The following B3GALT5 variants were observed in gnomAD, a reference collection of about 807,000 sequenced individuals.
B3GALT5 encodes beta-1,3-galactosyltransferase 5.
For missense variants in B3GALT5, 328 were observed against 396.6 expected, an observed-to-expected ratio of 0.83 and a Z score of 1.47; for synonymous variants, 156 against 158.6, an observed-to-expected ratio of 0.98 and a Z score of 0.12.
intron 1 of B3GALT5, among the ~76,000 whole-genome samples, chr21:39,614,500 C>T (rs1434001480): frequency 6.6e-6 from 1 of 152,172 alleles, no homozygotes; most frequent in Non-Finnish European, 1.5e-5. Flanking sequence ...AAAGGTTCTT[C>T]CAGACAAGGG....
Position 39,661,812 on chromosome 21 carries a change from G to A in B3GALT5, c.*320G>A, listed in dbSNP as rs1348673648. ...AGGCAAGGACACAGCAGCTGCGAGA[G>A]GTACAGAAACTTGTCCCAAGGCTCA... On this transcript the variant is annotated 3_prime_UTR_variant, in exon 4 of 4. Transcript: ENST00000684187. This position sits in a 1 kb window ranked among gnomAD's most constrained non-coding sequence, Gnocchi z 4.7. 1 of 222,292 alleles carries A rather than the reference G, an allele frequency of 4.5e-6. No individual in the cohort carries two copies. The highest frequency in any genetic ancestry group is 1.1e-4 in the East Asian group (1 of 8,796). 13.8% of individuals were successfully genotyped at this position (222,292 alleles called of 1,614,324 possible).
chr21:39,630,119 T>C (rs1357149247), intron 1 of B3GALT5, among the ~76,000 whole-genome samples: 2 of 152,200 alleles, frequency 1.3e-5, no homozygotes, highest in Non-Finnish European at 2.9e-5. Context: ...CAAAGCCAGA[T>C]ACCTGTGAAA....
At chr21:39,622,011 A>T (rs1365266451) in intron 1 of B3GALT5, among the ~76,000 whole-genome samples, 1 of 151,846 alleles carries the variant, frequency 6.6e-6, no homozygotes, top group African/African-American at 2.4e-5. Context: ...CTACATATTT[A>T]TTCTTTTGAC....
At chr21:39,617,621 T>C (rs1402988440) in intron 1 of B3GALT5, among the ~76,000 whole-genome samples, 1 of 152,182 alleles carries the variant, frequency 6.6e-6, no homozygotes, top group Non-Finnish European at 1.5e-5. Flanking sequence ...CAGCCGGAGA[T>C]GAGATTTGGG....
In B3GALT5 at chr21:39,614,029, C is replaced by T. The variant is rs79468834; in HGVS notation, c.-392+962C>T. On this transcript the variant is annotated intron_variant, in intron 1 of 3. Coordinates refer to ENST00000684187, the MANE Select transcript of B3GALT5 (RefSeq NM_001356336.2). ...AGTAGAATTTAATGAAGATACAGATCTGGGGAAGTGTCATGTTTCGTTGGG... is the reference window on the plus strand; with the variant it reads ...AGTAGAATTTAATGAAGATACAGATTTGGGGAAGTGTCATGTTTCGTTGGG... Among the ~76,000 whole-genome samples, 43 of 152,200 alleles carry T rather than the reference C, an allele frequency of 2.8e-4. 1 individual carries two copies. The highest frequency in any genetic ancestry group is 1.0e-3 in the African/African-American group (42 of 41,512).
At chr21:39,634,266 T>TG (rs1382624351) in intron 1 of B3GALT5, among the ~76,000 whole-genome samples, 1 of 152,052 alleles carries the variant, frequency 6.6e-6, no homozygotes, top group Non-Finnish European at 1.5e-5. Flanking sequence ...TGGAGGATGG[T>TG]GGGGAAGGAA....
intron 1 of B3GALT5, among the ~76,000 whole-genome samples, chr21:39,642,066 T>A (rs1446863067): frequency 6.6e-6 from 1 of 152,228 alleles, no homozygotes; most frequent in African/African-American, 2.4e-5. Flanking sequence ...AGTACCTTGC[T>A]CCGTAACTGT....
At chr21:39,625,318 AGCCTGATGGCTCTACCAC>A (rs2079158158) in intron 1 of B3GALT5, among the ~76,000 whole-genome samples, 1 of 152,186 alleles carries the variant, frequency 6.6e-6, no homozygotes, top group Admixed American at 6.5e-5. Context: ...AGTCGTTCTG[AGCCTGATGGCTCTACCAC>A]GCCTGCTAAC....
In B3GALT5 at chr21:39,661,433, C is replaced by G. The variant is rs2079522797; in HGVS notation, c.874C>G (p.Leu292Val). 6.5e-7 allele frequency: 1 copy of G among 1,535,592 alleles called. No individual in the cohort carries two copies. The highest frequency in any genetic ancestry group is 8.7e-7 in the Non-Finnish European group (1 of 1,143,296). Residue 292 changes from leucine to valine, a missense_variant, in exon 4 of 4, where the codon CTC becomes GTC. Coordinates refer to ENST00000684187, the MANE Select transcript of B3GALT5 (RefSeq NM_001356336.2). This position sits in a 1 kb window ranked among gnomAD's most constrained non-coding sequence, Gnocchi z 4.7. ...CTGCCACTTCATCAAGCCTCGGACT[C>G]TCTTGGACTACTGGCAGGCTCTAGA... ...VACHFIKPRT[L>V]LDYWQALENS...
At chr21:39,653,726 C>T (rs2146211009) in intron 2 of B3GALT5, among the ~76,000 whole-genome samples, 1 of 152,338 alleles carries the variant, frequency 6.6e-6, no homozygotes, top group South Asian at 2.1e-4. Flanking sequence ...CTCTGCCATT[C>T]AGTGGGCATA....
At position 39,663,616 on chromosome 21, in the gene B3GALT5, GGTGT is replaced by G. The variant is rs1461855373; in HGVS notation, c.*2127_*2130del. ...CAGCCAGTGGGTAGTTGGGATTACA[GGTGT>G]GTATTTCTTTATACAATGAATAATT... On this transcript the variant is annotated 3_prime_UTR_variant, in exon 4 of 4. Transcript: ENST00000684187. 6.6e-6 allele frequency: 1 copy of G among 152,082 alleles called. No homozygotes were observed. The highest frequency in any genetic ancestry group is 1.5e-5 in the Non-Finnish European group (1 of 68,042). The allele number at this position is 152,082 out of a possible 1,614,324, so 9.4% of individuals were successfully genotyped here. A position where few individuals can be genotyped will look rare whatever the true frequency, so the allele number is the denominator to read the frequency against.
At chr21:39,656,007 G>A (rs1028435805) in intron 2 of B3GALT5, among the ~76,000 whole-genome samples, 2 of 152,160 alleles carry the variant, frequency 1.3e-5, no homozygotes, top group Admixed American at 6.5e-5. Context: ...GTTACTGGTC[G>A]GGTCTGTACA....
chr21:39,650,839 A>G (rs1230344144), intron 2 of B3GALT5, among the ~76,000 whole-genome samples: 2 of 151,978 alleles, frequency 1.3e-5, no homozygotes. Flanking sequence ...TTAAAATAAG[A>G]TTAAAAAATG....
chr21:39,619,145 A>T (rs1281522533), intron 1 of B3GALT5, among the ~76,000 whole-genome samples: 1 of 152,082 alleles, frequency 6.6e-6, no homozygotes, highest in Non-Finnish European at 1.5e-5. Context: ...ATAATGAGAT[A>T]CCATAGACTG....
At chr21:39,656,799 C>T (rs190868465) in intron 2 of B3GALT5, among the ~76,000 whole-genome samples, 83 of 152,296 alleles carry the variant, frequency 5.4e-4, no homozygotes, top group African/African-American at 1.8e-3. Context: ...ATGCTGATGC[C>T]CAGATTTCCC....
chr21:39,625,352 C>T (rs187177958), intron 1 of B3GALT5, among the ~76,000 whole-genome samples: 3 of 152,296 alleles, frequency 2.0e-5, no homozygotes, highest in South Asian at 2.1e-4. Context: ...CTAACCACCT[C>T]GGTTGACCCG....
intron 2 of B3GALT5, among the ~76,000 whole-genome samples, chr21:39,658,312 G>T (rs1473021482): frequency 1.3e-5 from 2 of 152,168 alleles, no homozygotes; most frequent in African/African-American, 4.8e-5. Flanking sequence ...CCAATGCACT[G>T]CATGAGGTGA....
chr21:39,615,633 C>T (rs1318155616), intron 1 of B3GALT5, among the ~76,000 whole-genome samples: 2 of 152,200 alleles, frequency 1.3e-5, no homozygotes, highest in African/African-American at 4.8e-5. Context: ...TTGCAAATCC[C>T]AGCTTTGACA....
rs1447568225 is a variant in B3GALT5 at position 39,667,662 on chromosome 21, G to A, written c.*6170G>A. ...GCCTCCAGCTTCCATGGTGGCAGGA[G>A]CCATGGAAAATAGAGACCCACCCGG... On this transcript the variant is annotated 3_prime_UTR_variant, in exon 4 of 4. Transcript: ENST00000684187. The A allele has an allele frequency of 2.0e-5, 3 of 152,248 alleles. No individual in the cohort carries two copies. Among genetic ancestry groups the A allele is most frequent in the Non-Finnish European group, 4.4e-5 (3 of 68,052 alleles). 9.4% of individuals were successfully genotyped at this position (152,248 alleles called of 1,614,324 possible). A position where few individuals can be genotyped will look rare whatever the true frequency, so the allele number is the denominator to read the frequency against.
Sources: gnomAD v4.1 joint callset for allele counts (sites outside exome capture counted in the v4.1 genomes callset) on GRCh38, gnomAD v4.1.1 for gene constraint, Gnocchi (gnomAD v3.1) non-coding constraint, MANE v1.5 for transcripts, NCBI Gene and HGNC (gene_info 2026-07-23, HGNC 2026-07-21) for gene names.